RAD54B: variants seen among roughly 807,000 people sequenced by gnomAD.
RAD54B encodes RAD54 homolog B, also known as DNA repair and recombination protein RAD54B.
In RAD54B, 78 loss-of-function variants were observed where a neutral mutation model predicts 95.8. The observed-to-expected ratio is 0.81, with a 90% CI of 0.68 to 0.98. The LOEUF (loss-of-function observed/expected upper bound fraction) is 0.98, where lower values mean the gene tolerates loss of function less well. Ranked by LOEUF, RAD54B falls within the 50% of genes least tolerant of loss-of-function variation. RAD54B has a pLI of 0.00. For missense variants in RAD54B, 957 were observed against 1,056.6 expected (o/e 0.91, Z 1.31); for synonymous variants, 328 against 354.9 (o/e 0.92, Z 0.85).
At position 94,430,393 on chromosome 8, in the gene RAD54B, C is replaced by G. The variant is rs193028080; in HGVS notation, c.305-19078G>C. On this transcript the variant is annotated intron_variant, in intron 3 of 14. Transcript: ENST00000336148. ...AAATTTATATCCCTCAGTTCACTTT[C>G]AACTACTCTTCGACAAAAATTTTGA... 3.1e-5 allele frequency: 31 copies of G among 985,076 alleles called. No homozygotes were observed. In the African/African-American group the frequency reaches 4.0e-4, roughly 13 times the overall value. 61.0% of individuals were successfully genotyped at this position (985,076 alleles called of 1,614,324 possible). A position where few individuals can be genotyped will look rare whatever the true frequency, so the allele number is the denominator to read the frequency against.
intron 3 of RAD54B, chr8:94,431,812 G>T (rs1418544975): frequency 2.0e-6 from 2 of 1,010,818 alleles, no homozygotes; most frequent in African/African-American, 3.4e-5. Context: ...AAATGTTGAA[G>T]ACTCAGAACT....
chr8:94,385,672 C>T (rs549990042), intron 11 of RAD54B, among the ~76,000 whole-genome samples: 3 of 152,308 alleles, frequency 2.0e-5, no homozygotes, highest in African/African-American at 4.8e-5. Context: ...TGCCTGGCCT[C>T]GAGCAATCCT....
At chr8:94,455,397 C>T (rs1211277681) in intron 3 of RAD54B, among the ~76,000 whole-genome samples, 1 of 152,136 alleles carries the variant, frequency 6.6e-6, no homozygotes, top group Non-Finnish European at 1.5e-5. Context: ...GATTTAAAAC[C>T]TTAACAAGAG....
At chr8:94,384,833 A>T (rs1810831086) in intron 11 of RAD54B, among the ~76,000 whole-genome samples, 1 of 152,156 alleles carries the variant, frequency 6.6e-6, no homozygotes, top group Non-Finnish European at 1.5e-5. Flanking sequence ...GAGTCAAATG[A>T]CCATCACACC....
At chr8:94,435,497 G>A (rs1812230630) in intron 3 of RAD54B, among the ~76,000 whole-genome samples, 2 of 151,996 alleles carry the variant, frequency 1.3e-5, no homozygotes, top group Admixed American at 1.3e-4. Flanking sequence ...AAAGCACATT[G>A]TGTAAAGCTT....
intron 3 of RAD54B, chr8:94,430,793 T>A (rs568958726): frequency 1.5e-5 from 15 of 985,300 alleles, no homozygotes; most frequent in Non-Finnish European, 1.8e-5. Context: ...TATCCCCGCA[T>A]GTGAAAATTC....
chr8:94,453,430 TGAGGCAGAAGAATCACTTGAACCCA>T (rs1179300442), intron 3 of RAD54B, among the ~76,000 whole-genome samples: 15 of 152,068 alleles, frequency 9.9e-5, no homozygotes, highest in Non-Finnish European at 2.1e-4. Flanking sequence ...CTCAGGAGGC[TGAGGCAGAAGAATCACTTGAACCCA>T]GAGGCAGAGG....
chr8:94,410,505 T>C (rs1284588710), intron 4 of RAD54B, among the ~76,000 whole-genome samples: 1 of 152,174 alleles, frequency 6.6e-6, no homozygotes, highest in Non-Finnish European at 1.5e-5. Context: ...GAACAGATTT[T>C]ATAGTTATAG....
intron 3 of RAD54B, among the ~76,000 whole-genome samples, chr8:94,436,160 G>A (rs1041240909): frequency 6.6e-6 from 1 of 151,976 alleles, no homozygotes; most frequent in South Asian, 2.1e-4. Context: ...GAGAAAAAAA[G>A]TATCTCTCAG....
chr8:94,474,742 C>T (rs1166516091), intron 1 of RAD54B, among the ~76,000 whole-genome samples: 1 of 152,170 alleles, frequency 6.6e-6, no homozygotes. Flanking sequence ...GGCCACTGCC[C>T]AGAACCATCC....
Position 94,474,635 on chromosome 8 carries a change from C to T in RAD54B, c.-17+366G>A, listed in dbSNP as rs73695614. Among the ~76,000 whole-genome samples, 8 of 152,282 alleles carry T rather than the reference C, an allele frequency of 5.3e-5. No homozygotes were observed. In the East Asian group the frequency reaches 1.5e-3, roughly 29 times the overall value. ...CAGGACGCTCGCAGAGCCTTCACCC[C>T]CTGGCCCTGGGGAAGGAAATTCCCA... On this transcript the variant is annotated intron_variant, in intron 1 of 14. Transcript: ENST00000336148.
chr8:94,432,205 T>C (rs934685233), intron 3 of RAD54B: 4 of 1,550,234 alleles, frequency 2.6e-6, no homozygotes, highest in African/African-American at 2.7e-5. Context: ...ATTTTTGCTC[T>C]TAGTAGCTCT....
At chr8:94,406,464 C>T (rs1466195463) in intron 5 of RAD54B, among the ~76,000 whole-genome samples, 1 of 152,134 alleles carries the variant, frequency 6.6e-6, no homozygotes, top group African/African-American at 2.4e-5. Context: ...CTTCCACTGC[C>T]TGTATTTCAA....
chr8:94,377,540 T>G (rs1394744931), intron 14 of RAD54B, among the ~76,000 whole-genome samples: 1 of 69,694 alleles, frequency 1.4e-5, no homozygotes, highest in Non-Finnish European at 2.5e-5. Context: ...CCAGACCCTG[T>G]CTTGGAAAAA....
At chr8:94,439,996 C>T (rs1287228554) in intron 3 of RAD54B, among the ~76,000 whole-genome samples, 1 of 152,122 alleles carries the variant, frequency 6.6e-6, no homozygotes, top group South Asian at 2.1e-4. Flanking sequence ...ATTTTTCCCA[C>T]AAGGGATGGC....
intron 7 of RAD54B, 91 bp downstream of exon 7, chr8:94,400,147 G>T: frequency 1.8e-6 from 2 of 1,116,340 alleles, no homozygotes; most frequent in Non-Finnish European, 2.6e-6. Context: ...TGTGCAAAAG[G>T]GTTAGGGAGT....
intron 13 of RAD54B, 43 bp from the exon 14 acceptor site, chr8:94,378,423 T>C: frequency 1.3e-6 from 2 of 1,557,342 alleles, no homozygotes; most frequent in Non-Finnish European, 1.8e-6. Context: ...GATCTTTATG[T>C]TCATTATTTT....
intron 3 of RAD54B, chr8:94,432,474 T>C (rs1446153870): frequency 1.3e-6 from 2 of 1,550,542 alleles, no homozygotes; most frequent in Non-Finnish European, 1.7e-6. Flanking sequence ...TTCCATAACA[T>C]GTACTAATTC....
At chr8:94,382,716 G>A (rs1810774465) in intron 11 of RAD54B, among the ~76,000 whole-genome samples, 2 of 152,132 alleles carry the variant, frequency 1.3e-5, no homozygotes, top group South Asian at 2.1e-4. Flanking sequence ...AATCACGGGG[G>A]CGGTTTCCTG....
Sources: allele counts gnomAD v4.1 joint callset (sites outside exome capture counted in the v4.1 genomes callset), GRCh38; gene constraint gnomAD v4.1.1; transcripts MANE v1.5; gene names NCBI Gene and HGNC (gene_info 2026-07-23, HGNC 2026-07-21).